NFIX: variants seen among roughly 807,000 people sequenced by gnomAD.
The protein encoded by NFIX is nuclear factor 1 X-type.
NFIX carries 2 observed loss-of-function variants against 53.3 expected under a neutral mutation model. The ratio of observed to expected loss-of-function variants is 0.04; its 90% CI spans 0.02 to 0.12. The LOEUF (loss-of-function observed/expected upper bound fraction) is 0.12, where lower values mean the gene tolerates loss of function less well. Ranked by LOEUF, NFIX falls within the 10% of genes least tolerant of loss-of-function variation. NFIX has a pLI of 1.00. For synonymous variants in NFIX, 244 were observed against 289.0 expected (o/e 0.84, Z 1.58); for missense variants, 310 against 674.5 (o/e 0.46, Z 5.99).
Position 13,060,090 on chromosome 19 carries a change from G to A in NFIX, c.560-12957G>A, listed in dbSNP as rs2015980631. On this transcript the variant is annotated intron_variant, in intron 2 of 10. Coordinates refer to ENST00000592199, the MANE Select transcript of NFIX (RefSeq NM_001365902.3). This position sits in a 1 kb window ranked among gnomAD's most constrained non-coding sequence, Gnocchi z 4.3. ...GGCATGAGCCACCGCACCCGGCCAA[G>A]AGGAACGCTTTTGGCCTCCATTTCT... Among the ~76,000 whole-genome samples, 1 of 152,210 alleles carries A rather than the reference G, an allele frequency of 6.6e-6. No homozygotes were observed. The highest frequency in any genetic ancestry group is 1.5e-5 in the Non-Finnish European group (1 of 68,024).
chr19:13,051,728 T>C lies in NFIX; in HGVS notation c.560-21319T>C, dbSNP rs1002675286. Among the ~76,000 whole-genome samples, 1 of 152,130 alleles carries C rather than the reference T, an allele frequency of 6.6e-6. No homozygotes were observed. Among genetic ancestry groups the C allele is most frequent in the African/African-American group, 2.4e-5 (1 of 41,410 alleles). On this transcript the variant is annotated intron_variant, in intron 2 of 10. Transcript: ENST00000592199. This position sits in a 1 kb window ranked among gnomAD's most constrained non-coding sequence, Gnocchi z 5.1. ...CCACGTGGCTCATTACAACTCCAGT[T>C]GTTCAGGTCTTGACCTCAAGAGCCT...
At position 13,037,856 on chromosome 19, in the gene NFIX, A is replaced by G. The variant is rs78154271; in HGVS notation, c.559+12304A>G. On this transcript the variant is annotated intron_variant, in intron 2 of 10. Coordinates refer to ENST00000592199, the MANE Select transcript of NFIX (RefSeq NM_001365902.3). The surrounding 1 kb of genome is among the most constrained non-coding windows in gnomAD (Gnocchi z 4.2). Reference sequence around the variant, plus strand: ...ATCTAGTGGGAAGAGTCTACTGCATATGACAGTCCCCCAGGAACAAAGAAT... The same window carrying G: ...ATCTAGTGGGAAGAGTCTACTGCATGTGACAGTCCCCCAGGAACAAAGAAT... Among the ~76,000 whole-genome samples the G allele has an allele frequency of 4.0e-3, 603 of 152,296 alleles. 16 individuals are homozygous for G. Among genetic ancestry groups the G allele is most frequent in the East Asian group, 0.039 (204 of 5,180 alleles).
intron 1 of NFIX, among the ~76,000 whole-genome samples, chr19:13,017,412 C>T (rs2012726066): frequency 6.6e-6 from 1 of 152,186 alleles, no homozygotes; most frequent in South Asian, 2.1e-4. Flanking sequence ...GGGTTCTGGC[C>T]ACTGCCTGTG....
chr19:13,053,153 G>A lies in NFIX; in HGVS notation c.560-19894G>A, dbSNP rs531924283. On this transcript the variant is annotated intron_variant, in intron 2 of 10. Coordinates refer to ENST00000592199, the MANE Select transcript of NFIX (RefSeq NM_001365902.3). The stretch of plus-strand genomic sequence containing the variant: ...GCCTGGTGTGCTGGGTGGTTTGACA[G>A]TGTTTTGTGGGGGTCTTTCCTGTAG... Among the ~76,000 whole-genome samples, 3 of 152,342 alleles carry A rather than the reference G, an allele frequency of 2.0e-5. No homozygotes were observed. In the South Asian group the frequency reaches 6.2e-4, roughly 32 times the overall value.
chr19:13,049,954 T>G lies in NFIX; in HGVS notation c.560-23093T>G, dbSNP rs1341384265. Among the ~76,000 whole-genome samples, 4 of 152,268 alleles carry G rather than the reference T, an allele frequency of 2.6e-5. No individual in the cohort carries two copies. The highest frequency in any genetic ancestry group is 9.6e-5 in the African/African-American group (4 of 41,474). On this transcript the variant is annotated intron_variant, in intron 2 of 10. Transcript: ENST00000592199. The surrounding 1 kb of genome is among the most constrained non-coding windows in gnomAD (Gnocchi z 4.5). ...GCTGTGCCACATTTTGTTTATCCAT[T>G]CATACATTGATGGATATTTGGGCTC... is the stretch of plus-strand genomic sequence containing the variant.
rs1314591960 is a variant in NFIX at position 13,073,560 on chromosome 19, G to A, written c.697+64G>A. On this transcript the variant is annotated intron_variant, in intron 4 of 10. Coordinates refer to ENST00000592199, the MANE Select transcript of NFIX (RefSeq NM_001365902.3). The surrounding 1 kb of genome is among the most constrained non-coding windows in gnomAD (Gnocchi z 4.5). Reference sequence around the variant, plus strand: ...GAAAGTGAGGAGGTGGGACCTCATGGGATGTCCTCCTAATGGGGTCTTAGG... The same window carrying A: ...GAAAGTGAGGAGGTGGGACCTCATGAGATGTCCTCCTAATGGGGTCTTAGG... 1.6e-5 allele frequency: 23 copies of A among 1,426,516 alleles called. No homozygotes were observed. Among genetic ancestry groups the A allele is most frequent in the Non-Finnish European group, 2.1e-5 (21 of 1,009,918 alleles). The allele number at this position is 1,426,516 out of a possible 1,614,324, so 88.4% of individuals were successfully genotyped here.
intron 2 of NFIX, among the ~76,000 whole-genome samples, chr19:13,050,137 C>T (rs1049155627): frequency 2.0e-5 from 3 of 152,250 alleles, no homozygotes; most frequent in Non-Finnish European, 4.4e-5. Flanking sequence ...CCCAGCAGTG[C>T]TGTCCCCTTA....
chr19:13,023,065 TC>T (rs969267613), intron 1 of NFIX, among the ~76,000 whole-genome samples: 1 of 109,816 alleles, frequency 9.1e-6, no homozygotes, highest in Non-Finnish European at 1.9e-5. Flanking sequence ...GATCCTTCTC[TC>T]TCTTTCTCTC....
intron 1 of NFIX, among the ~76,000 whole-genome samples, chr19:13,015,808 A>ACGCACG (rs5827173): frequency 6.6e-6 from 1 of 150,704 alleles, no homozygotes; most frequent in Admixed American, 6.6e-5. Context: ...ACACACACAC[A>ACGCACG]CACACGCACA....
At chr19:13,058,616 C>G (rs866953109) in intron 2 of NFIX, among the ~76,000 whole-genome samples, 2 of 151,376 alleles carry the variant, frequency 1.3e-5, no homozygotes, top group East Asian at 2.0e-4. Flanking sequence ...TCCTTAAGCC[C>G]AGGAGTTTGA....
In NFIX at chr19:13,072,755, A is replaced by T. The variant is rs2016842271; in HGVS notation, c.560-292A>T. 6.6e-6 allele frequency among the ~76,000 whole-genome samples: 1 copy of T among 152,190 alleles called. No individual in the cohort carries two copies. The highest frequency in any genetic ancestry group is 2.4e-5 in the African/African-American group (1 of 41,436). ...GTCATCTAGTGGGTGGAGGCCAGGG[A>T]TGCTGCTCAGATACCCCACAGTGCA... On this transcript the variant is annotated intron_variant, in intron 2 of 10. Transcript: ENST00000592199. The surrounding 1 kb of genome is among the most constrained non-coding windows in gnomAD (Gnocchi z 4.0).
At chr19:13,061,306 G>A (rs1432370862) in intron 2 of NFIX, among the ~76,000 whole-genome samples, 1 of 152,212 alleles carries the variant, frequency 6.6e-6, no homozygotes, top group Admixed American at 6.5e-5. Flanking sequence ...CGGGAAACTC[G>A]GCCCTCATAT....
At chr19:13,042,326 A>C (rs967261202) in intron 2 of NFIX, among the ~76,000 whole-genome samples, 2 of 149,498 alleles carry the variant, frequency 1.3e-5, no homozygotes, top group East Asian at 4.0e-4. Flanking sequence ...ATAGGTGCTT[A>C]CTGAAAAATA....
chr19:13,097,110 A>G lies in NFIX; in HGVS notation c.*2461A>G. The G allele has an allele frequency of 6.6e-6, 1 of 151,548 alleles. No homozygotes were observed. Among genetic ancestry groups the G allele is most frequent in the East Asian group, 1.9e-4 (1 of 5,188 alleles). The allele number at this position is 151,548 out of a possible 1,614,324, so 9.4% of individuals were successfully genotyped here. On this transcript the variant is annotated 3_prime_UTR_variant, in exon 11 of 11. Transcript: ENST00000592199. ...ATGTCCTCGCGGCTCTGGGGACGCT[A>G]AAAGAACCGGGCCTGCCCCGCCCTG...
intron 5 of NFIX, 113 bp downstream of exon 5, chr19:13,074,139 C>T: frequency 1.5e-6 from 2 of 1,370,352 alleles, no homozygotes; most frequent in African/African-American, 1.4e-5. Flanking sequence ...CAGAATGTCA[C>T]CTCTCTCATT....
rs1345216004 is a variant in NFIX, at chr19:13,093,546, GA to G, written c.1495-1087del. Among the ~76,000 whole-genome samples the G allele has an allele frequency of 2.0e-5, 3 of 152,208 alleles. No homozygotes were observed. Among genetic ancestry groups the G allele is most frequent in the African/African-American group, 7.2e-5 (3 of 41,452 alleles). ...ACAGCCTGCACTGCCCCTTACATTT[GA>G]ACCCTGGCTCTGTTGCCCGAGGGCT... On this transcript the variant is annotated intron_variant, in intron 10 of 10. Coordinates refer to ENST00000592199, the MANE Select transcript of NFIX (RefSeq NM_001365902.3). The surrounding 1 kb of genome is among the most constrained non-coding windows in gnomAD (Gnocchi z 4.7).
At chr19:13,086,668 C>T (rs1364356154) in intron 8 of NFIX, among the ~76,000 whole-genome samples, 1 of 152,168 alleles carries the variant, frequency 6.6e-6, no homozygotes, top group African/African-American at 2.4e-5. Context: ...GCCAGTGTCT[C>T]CTTGAGGGGG....
At chr19:13,077,094 G>A (rs1198802763) in intron 6 of NFIX, among the ~76,000 whole-genome samples, 4 of 152,114 alleles carry the variant, frequency 2.6e-5, no homozygotes, top group Non-Finnish European at 5.9e-5. Flanking sequence ...GTCCCTGGCC[G>A]GGGCCTCAGT....
chr19:13,042,273 A>G (rs964786053), intron 2 of NFIX, among the ~76,000 whole-genome samples: 1 of 149,452 alleles, frequency 6.7e-6, no homozygotes, highest in African/African-American at 2.5e-5. Context: ...TCTGTCCCCT[A>G]TTCCCTTTTG....
Sources: allele counts gnomAD v4.1 joint callset (sites outside exome capture counted in the v4.1 genomes callset), GRCh38; gene constraint gnomAD v4.1.1; non-coding constraint Gnocchi (gnomAD v3.1); transcripts MANE v1.5; gene names NCBI Gene and HGNC (gene_info 2026-07-23, HGNC 2026-07-21).